PDZRN4: variants seen among roughly 807,000 people sequenced by gnomAD.
The protein encoded by PDZRN4 is PDZ domain-containing RING finger protein 4.
Under a neutral mutation model 99.0 loss-of-function variants are expected in PDZRN4, and 70 were observed. The observed-to-expected ratio is 0.71, with a 90% CI of 0.58 to 0.86. The LOEUF (loss-of-function observed/expected upper bound fraction) is 0.86, where lower values mean the gene tolerates loss of function less well. PDZRN4 is among the 40% of genes least tolerant of loss of function. The probability of loss-of-function intolerance (pLI) is 0.00; values close to 1 mark genes in which losing one functional copy is unlikely to be tolerated. For synonymous variants in PDZRN4, 551 were observed against 501.6 expected (o/e 1.10, Z -1.32); for missense variants, 1,474 against 1,331.2 (o/e 1.11, Z -1.67).
At chr12:41,378,463 A>T (rs191485939) in intron 3 of PDZRN4, among the ~76,000 whole-genome samples, 121 of 149,156 alleles carry the variant, frequency 8.1e-4, no homozygotes, top group Admixed American at 1.3e-3. Flanking sequence ...TCCAATTTTC[A>T]TATCAGGGTA....
At chr12:41,210,888 T>C (rs1033036893) in intron 3 of PDZRN4, among the ~76,000 whole-genome samples, 2 of 151,944 alleles carry the variant, frequency 1.3e-5, no homozygotes, top group African/African-American at 2.4e-5. Flanking sequence ...GACACTAAAG[T>C]CCAAAAAGAG....
chr12:41,293,298 C>T (rs781515498), intron 3 of PDZRN4, among the ~76,000 whole-genome samples: 29 of 149,374 alleles, frequency 1.9e-4, no homozygotes, highest in Non-Finnish European at 3.1e-4. Flanking sequence ...CTGGTGCTGA[C>T]GAGGAAAAAA....
intron 3 of PDZRN4, among the ~76,000 whole-genome samples, chr12:41,294,671 A>G (rs142489336): frequency 5.6e-4 from 86 of 152,286 alleles, no homozygotes; most frequent in African/African-American, 1.9e-3. Context: ...CCTGAGCTCA[A>G]CGAATCACAT....
Position 41,483,207 on chromosome 12 carries a change from G to A in PDZRN4, c.844-23249G>A, listed in dbSNP as rs1421665426. On this transcript the variant is annotated intron_variant, in intron 3 of 9. Coordinates refer to ENST00000402685, the MANE Select transcript of PDZRN4 (RefSeq NM_001164595.2). ...GTAGGTGACCTCCACAACCAAAGTT[G>A]ATTATTTCTTCTTCATTTTTCAATT... is the stretch of plus-strand genomic sequence containing the variant. Among the ~76,000 whole-genome samples the A allele has an allele frequency of 2.6e-5, 4 of 152,048 alleles. No individual in the cohort carries two copies. In the East Asian group the frequency reaches 7.7e-4, roughly 29 times the overall value.
chr12:41,473,388 C>T (rs2120576005), intron 3 of PDZRN4: 1 of 152,264 alleles, frequency 6.6e-6, no homozygotes, highest in South Asian at 2.1e-4. Flanking sequence ...TGATACCACT[C>T]AGGAAATCTT....
intron 3 of PDZRN4, among the ~76,000 whole-genome samples, chr12:41,401,559 G>T (rs576981269): frequency 6.6e-6 from 1 of 151,884 alleles, no homozygotes; most frequent in Non-Finnish European, 1.5e-5. Context: ...CTTTTTCACC[G>T]ATCCAGACTG....
chr12:41,520,226 A>G (rs1372817205), intron 5 of PDZRN4, among the ~76,000 whole-genome samples: 1 of 152,120 alleles, frequency 6.6e-6, no homozygotes, highest in Non-Finnish European at 1.5e-5. Context: ...GAAGTACTGA[A>G]TTCTTCTTTA....
chr12:41,562,871 T>A (rs558101022), intron 7 of PDZRN4, among the ~76,000 whole-genome samples: 7 of 152,324 alleles, frequency 4.6e-5, no homozygotes, highest in African/African-American at 1.2e-4. Context: ...TAATATTTTT[T>A]AAATTTTTAA....
intron 3 of PDZRN4, among the ~76,000 whole-genome samples, chr12:41,226,425 T>TGCAAAGAACTCCAGAGCCCAGA (rs1188062559): frequency 1.3e-5 from 2 of 152,096 alleles, no homozygotes; most frequent in African/African-American, 4.8e-5. Flanking sequence ...TTTTGTTCAC[T>TGCAAAGAACTCCAGAGCCCAGA]GCAAAGAACT....
At chr12:41,458,149 G>C (rs113839583) in intron 3 of PDZRN4, among the ~76,000 whole-genome samples, 1,768 of 152,270 alleles carry the variant, frequency 0.012, 30 homozygotes, top group African/African-American at 0.041. Flanking sequence ...TCTGAGGAGA[G>C]TGACTTTTTT....
intron 3 of PDZRN4, among the ~76,000 whole-genome samples, chr12:41,249,988 A>G (rs1951157711): frequency 6.6e-6 from 1 of 152,208 alleles, no homozygotes. Flanking sequence ...GTCGTGAGAT[A>G]GAAATCTCAA....
intron 3 of PDZRN4, among the ~76,000 whole-genome samples, chr12:41,244,246 C>T (rs1353437102): frequency 6.6e-6 from 1 of 151,730 alleles, no homozygotes; most frequent in Non-Finnish European, 1.5e-5. Flanking sequence ...CACACCTTAC[C>T]TGAGATTCCA....
intron 3 of PDZRN4, among the ~76,000 whole-genome samples, chr12:41,357,330 A>G (rs982366293): frequency 2.6e-5 from 4 of 151,960 alleles, no homozygotes; most frequent in African/African-American, 9.7e-5. Flanking sequence ...ACAACCCAAC[A>G]AGCCAGTTTA....
chr12:41,293,215 C>G (rs1190975569), intron 3 of PDZRN4, among the ~76,000 whole-genome samples: 2 of 138,640 alleles, frequency 1.4e-5, no homozygotes, highest in Non-Finnish European at 3.2e-5. Flanking sequence ...AGGTGGGGCT[C>G]TATGACTAAC....
chr12:41,256,230 AT>A (rs1951203676), intron 3 of PDZRN4, among the ~76,000 whole-genome samples: 1 of 152,188 alleles, frequency 6.6e-6, no homozygotes, highest in Non-Finnish European at 1.5e-5. Context: ...AGGAAAACAA[AT>A]TTCTGAACAG....
At chr12:41,550,200 T>C (rs1033224886) in intron 5 of PDZRN4, among the ~76,000 whole-genome samples, 4 of 152,154 alleles carry the variant, frequency 2.6e-5, no homozygotes, top group Non-Finnish European at 4.4e-5. Flanking sequence ...CAAAAAAGAA[T>C]GTCCCCCGCT....
Position 41,414,297 on chromosome 12 carries a change from C to T in PDZRN4, c.844-92159C>T, listed in dbSNP as rs11180910. ...CTGATGACTATATGCCTTGGTGATG[C>T]TCATTTTGTATAGTATTTGGAATGT... On this transcript the variant is annotated intron_variant, in intron 3 of 9. Transcript: ENST00000402685. 3.8e-3 allele frequency among the ~76,000 whole-genome samples: 583 copies of T among 152,136 alleles called. 18 individuals carry two copies. In the East Asian group the frequency reaches 0.091, roughly 24 times the overall value.
In PDZRN4 at chr12:41,265,875, A is replaced by T. The variant is rs183672337; in HGVS notation, c.843+71687A>T. Among the ~76,000 whole-genome samples, 19 of 152,356 alleles carry T rather than the reference A, an allele frequency of 1.2e-4. No homozygotes were observed. The East Asian group carries it at 3.7e-3, about 29-fold the overall frequency. On this transcript the variant is annotated intron_variant, in intron 3 of 9. Transcript: ENST00000402685. The stretch of plus-strand genomic sequence containing the variant: ...AGTTTACATTGAAAAAAGAAATTAA[A>T]CAATAAAAATAAATTATGATGGCTC...
In PDZRN4 at chr12:41,573,199, A is replaced by G; in HGVS notation, c.2420A>G (p.Lys807Arg). ...TTEQGCSAES[K>R]EKVLEGSKLP... Reference sequence around the variant, plus strand: ...GAGCAAGGTTGTAGCGCTGAAAGCAAGGAGAAGGTTTTAGAAGGCAGCAAG... The same window carrying G: ...GAGCAAGGTTGTAGCGCTGAAAGCAGGGAGAAGGTTTTAGAAGGCAGCAAG... The change falls in exon 10 of 10, where the codon AAG becomes AGG. Residue 807 changes from lysine (K) to arginine (R), a missense_variant. Transcript: ENST00000402685. 6.2e-7 allele frequency: 1 copy of G among 1,614,168 alleles called. No individual in the cohort carries two copies.
Sources: gnomAD v4.1 joint callset for allele counts (sites outside exome capture counted in the v4.1 genomes callset) on GRCh38, gnomAD v4.1.1 for gene constraint, MANE v1.5 for transcripts, NCBI Gene and HGNC (gene_info 2026-07-23, HGNC 2026-07-21) for gene names.